Variants in CA12 observed in about 807,000 individuals in gnomAD.
CA12 encodes carbonate dehydratase XII.
Under a neutral mutation model 46.8 loss-of-function variants are expected in CA12, and 36 were observed. That is an observed-to-expected ratio of 0.77 (90% CI 0.59 to 1.02). The LOEUF (loss-of-function observed/expected upper bound fraction) is 1.02. CA12 is among the 50% of genes least tolerant of loss of function. The pLI is 0.00. For missense variants in CA12, 436 were observed against 451.4 expected (o/e 0.97, Z 0.31); for synonymous variants, 202 against 187.0 (o/e 1.08, Z -0.65).
In CA12 at chr15:63,372,904, T is replaced by C. The variant is rs932012120; in HGVS notation, c.106+2754A>G. ...TGCATGTCCATGCATCATTAGACTC[T>C]GCCCTCTGCTTCCTCAGCAAAGAGC... On this transcript the variant is annotated intron_variant, in intron 2 of 10. Coordinates refer to ENST00000178638, the MANE Select transcript of CA12 (RefSeq NM_001218.5). The surrounding 1 kb of genome is among the most constrained non-coding windows in gnomAD (Gnocchi z 4.5). 6.6e-6 allele frequency among the ~76,000 whole-genome samples: 1 copy of C among 152,240 alleles called. No individual in the cohort carries two copies.
chr15:63,353,565 C>A (rs2039260208), intron 2 of CA12, among the ~76,000 whole-genome samples: 1 of 152,186 alleles, frequency 6.6e-6, no homozygotes, highest in South Asian at 2.1e-4. Context: ...GTACCTGCCT[C>A]TCTCTGGGGG....
In CA12 at chr15:63,374,480, A is replaced by C. The variant is rs2039546383; in HGVS notation, c.106+1178T>G. 6.6e-6 allele frequency among the ~76,000 whole-genome samples: 1 copy of C among 152,120 alleles called. No individual in the cohort carries two copies. The highest frequency in any genetic ancestry group is 1.5e-5 in the Non-Finnish European group (1 of 68,032). ...CTATTATGTTCTGCTTTGAATTGTGAGCTTTAAGTAATTCCCAACTATGGA... is the reference window on the plus strand; with the variant it reads ...CTATTATGTTCTGCTTTGAATTGTGCGCTTTAAGTAATTCCCAACTATGGA... On this transcript the variant is annotated intron_variant, in intron 2 of 10. Coordinates refer to ENST00000178638, the MANE Select transcript of CA12 (RefSeq NM_001218.5). This position sits in a 1 kb window ranked among gnomAD's most constrained non-coding sequence, Gnocchi z 4.4.
intron 1 of CA12, among the ~76,000 whole-genome samples, chr15:63,380,284 G>C (rs1319405634): frequency 3.3e-5 from 5 of 152,152 alleles, no homozygotes; most frequent in Admixed American, 2.6e-4. Context: ...GGAAGAGGAA[G>C]AGCAGGGAAA....
rs917581164 is a variant in CA12 at position 63,374,007 on chromosome 15, C to T, written c.106+1651G>A. ...GTAAACTGGATGTGAAGACACGGAA[C>T]GGGGTTTCTCCACAGGCCAAACACC... On this transcript the variant is annotated intron_variant, in intron 2 of 10. Transcript: ENST00000178638. The surrounding 1 kb of genome is among the most constrained non-coding windows in gnomAD (Gnocchi z 4.4). Among the ~76,000 whole-genome samples, 1 of 152,140 alleles carries T rather than the reference C, an allele frequency of 6.6e-6. No individual in the cohort carries two copies. The highest frequency in any genetic ancestry group is 2.4e-5 in the African/African-American group (1 of 41,408).
At position 63,322,779 on chromosome 15, in the gene CA12, G is replaced by T. The variant is rs1342581027; in HGVS notation, c.*3506C>A. 1.3e-5 allele frequency: 2 copies of T among 152,296 alleles called. No homozygotes were observed. Among genetic ancestry groups the T allele is most frequent in the Non-Finnish European group, 2.9e-5 (2 of 68,076 alleles). The allele number at this position is 152,296 out of a possible 1,614,324, so 9.4% of individuals were successfully genotyped here. A position where few individuals can be genotyped will look rare whatever the true frequency, so the allele number is the denominator to read the frequency against. The stretch of plus-strand genomic sequence containing the variant: ...GGCCATGACACCTGGCAGGATGCCA[G>T]AGCAGGGAGAGCAGAAGCATCCTGT... On this transcript the variant is annotated 3_prime_UTR_variant, in exon 11 of 11. Coordinates refer to ENST00000178638, the MANE Select transcript of CA12 (RefSeq NM_001218.5). The surrounding 1 kb of genome is among the most constrained non-coding windows in gnomAD (Gnocchi z 4.1).
At chr15:63,335,624 C>T (rs762123344) in intron 8 of CA12, among the ~76,000 whole-genome samples, 14 of 150,676 alleles carry the variant, frequency 9.3e-5, no homozygotes, top group African/African-American at 2.4e-4. Context: ...CCACCACACC[C>T]GGCCATCCTA....
chr15:63,370,536 G>A (rs2039490103), intron 2 of CA12, among the ~76,000 whole-genome samples: 1 of 152,096 alleles, frequency 6.6e-6, no homozygotes, highest in South Asian at 2.1e-4. Context: ...ACTTTGGGAG[G>A]CCAAGGCAGG....
chr15:63,334,794 C>T lies in CA12; in HGVS notation c.874+4025G>A, dbSNP rs79887594. On this transcript the variant is annotated intron_variant, in intron 8 of 10. Coordinates refer to ENST00000178638, the MANE Select transcript of CA12 (RefSeq NM_001218.5). ...CCTAAGGGTGCACAGTTCTCTCTCA[C>T]GCTACGTCTCTTGGTCTTACCCAAT... Among the ~76,000 whole-genome samples the T allele has an allele frequency of 7.3e-3, 1,119 of 152,284 alleles. 7 individuals carry two copies. Among genetic ancestry groups the T allele is most frequent in the Middle Eastern group, 0.017 (5 of 294 alleles).
chr15:63,371,828 C>T (rs1364158887), intron 2 of CA12, among the ~76,000 whole-genome samples: 1 of 104,514 alleles, frequency 9.6e-6, no homozygotes, highest in East Asian at 2.6e-4. Flanking sequence ...TTGTTTTGAA[C>T]ACACTAGGGT....
At chr15:63,365,690 C>T in intron 2 of CA12, among the ~76,000 whole-genome samples, 1 of 152,206 alleles carries the variant, frequency 6.6e-6, no homozygotes, top group East Asian at 1.9e-4. Flanking sequence ...GTCAGGACCC[C>T]CATTTCTCCT....
Position 63,346,632 on chromosome 15 carries a change from T to G in CA12, c.184A>C (p.Ser62Arg), listed in dbSNP as rs1176514372. ...GLLQSPIDLH[S>R]DILQYDASLT... is the part of the protein sequence containing the mutation. ...CTGGCGTCATACTGGAGGATGTCAC[T>G]GTGCAGGTCTATGGGGGACTGCAGC... The change falls in exon 3 of 11, where the codon AGT (serine) becomes CGT (arginine). Residue 62 changes from serine (S) to arginine (R), a missense_variant. By Grantham distance (110) the Ser-to-Arg change is moderately radical. Coordinates refer to ENST00000178638, the MANE Select transcript of CA12 (RefSeq NM_001218.5). 20 of 1,613,236 alleles carry G rather than the reference T, an allele frequency of 1.2e-5. No individual in the cohort carries two copies. The African/African-American group carries it at 2.5e-4, about 21-fold the overall frequency.
intron 2 of CA12, among the ~76,000 whole-genome samples, chr15:63,353,550 G>C (rs998092153): frequency 1.3e-5 from 2 of 152,132 alleles, no homozygotes; most frequent in Non-Finnish European, 2.9e-5. Flanking sequence ...CCTGTTGGGA[G>C]GCTAGTACCT....
At chr15:63,369,575 G>A (rs563662343) in intron 2 of CA12, among the ~76,000 whole-genome samples, 1 of 152,340 alleles carries the variant, frequency 6.6e-6, no homozygotes, top group South Asian at 2.1e-4. Flanking sequence ...TAGGAGGTAG[G>A]CCTGGGATGG....
rs1469676967 is a variant in CA12, at chr15:63,345,851, T to G, written c.287-232A>C. On this transcript the variant is annotated intron_variant, in intron 3 of 10. Transcript: ENST00000178638. The surrounding 1 kb of genome is among the most constrained non-coding windows in gnomAD (Gnocchi z 4.3). ...AAGCAACTCCAGTGGCACCAGCACC[T>G]TCTTGGTTCACCTTGGAAAGTGATG... Among the ~76,000 whole-genome samples, 2 of 152,234 alleles carry G rather than the reference T, an allele frequency of 1.3e-5. No individual in the cohort carries two copies. Among genetic ancestry groups the G allele is most frequent in the African/African-American group, 4.8e-5 (2 of 41,470 alleles).
chr15:63,330,835 C>T lies in CA12; in HGVS notation c.875-2705G>A, dbSNP rs977096675. ...GTGCTGTGACCTGGGATCTTTGCTCCTTGAGGACCACTTGTCAAGGCCTAA... is the reference window on the plus strand; with the variant it reads ...GTGCTGTGACCTGGGATCTTTGCTCTTTGAGGACCACTTGTCAAGGCCTAA... On this transcript the variant is annotated intron_variant, in intron 8 of 10. Transcript: ENST00000178638. The surrounding 1 kb of genome is among the most constrained non-coding windows in gnomAD (Gnocchi z 4.0). Among the ~76,000 whole-genome samples, 5 of 152,176 alleles carry T rather than the reference C, an allele frequency of 3.3e-5. No homozygotes were observed. Among genetic ancestry groups the T allele is most frequent in the Admixed American group, 2.0e-4 (3 of 15,276 alleles).
At chr15:63,360,691 G>A (rs1307849859) in intron 2 of CA12, among the ~76,000 whole-genome samples, 1 of 152,160 alleles carries the variant, frequency 6.6e-6, no homozygotes, top group East Asian at 1.9e-4. Flanking sequence ...TCCTTGCCCT[G>A]CTAACTCCTG....
chr15:63,353,959 A>T (rs1387941660), intron 2 of CA12, among the ~76,000 whole-genome samples: 2 of 152,246 alleles, frequency 1.3e-5, no homozygotes, highest in Non-Finnish European at 2.9e-5. Flanking sequence ...GGGTTCAGCC[A>T]GTCAGTAGTG....
At chr15:63,354,776 G>A (rs939626468) in intron 2 of CA12, among the ~76,000 whole-genome samples, 6 of 152,168 alleles carry the variant, frequency 3.9e-5, no homozygotes, top group Non-Finnish European at 8.8e-5. Context: ...TGGGGGCCAG[G>A]AGTGCAGGCT....
At chr15:63,350,705 G>C (rs1202968310) in intron 2 of CA12, among the ~76,000 whole-genome samples, 1 of 152,050 alleles carries the variant, frequency 6.6e-6, no homozygotes, top group African/African-American at 2.4e-5. Flanking sequence ...GAATTTTGAG[G>C]CCCAGGGTGT....
Sources: allele counts gnomAD v4.1 joint callset (sites outside exome capture counted in the v4.1 genomes callset), GRCh38; gene constraint gnomAD v4.1.1; non-coding constraint Gnocchi (gnomAD v3.1); transcripts MANE v1.5; gene names NCBI Gene and HGNC (gene_info 2026-07-23, HGNC 2026-07-21).